Variants in PHACTR2 observed in about 807,000 individuals in gnomAD.
PHACTR2 encodes phosphatase and actin regulator 2.
Under a neutral mutation model 76.0 loss-of-function variants are expected in PHACTR2, and 30 were observed. That is an observed-to-expected ratio of 0.39 (90% CI 0.30 to 0.54). PHACTR2 has a LOEUF of 0.54. PHACTR2 is among the 20% of genes least tolerant of loss of function. PHACTR2 has a pLI of 0.61. For synonymous variants in PHACTR2, 292 were observed against 292.5 expected (o/e 1.00, Z 0.02); for missense variants, 696 against 781.1 (o/e 0.89, Z 1.30).
At position 143,688,078 on chromosome 6, in the gene PHACTR2, C is replaced by A. The variant is rs1777561564; in HGVS notation, c.46+9869C>A. On this transcript the variant is annotated intron_variant, in intron 1 of 12. Transcript: ENST00000440869. The surrounding 1 kb of genome is among the most constrained non-coding windows in gnomAD (Gnocchi z 5.2). Reference sequence around the variant, plus strand: ...TATGTAGAGAATTGTAGGACTAGATCAGGAGGCAAAACACATAATGGGGAC... The same window carrying A: ...TATGTAGAGAATTGTAGGACTAGATAAGGAGGCAAAACACATAATGGGGAC... 1.3e-5 allele frequency among the ~76,000 whole-genome samples: 2 copies of A among 151,770 alleles called. No homozygotes were observed. Among genetic ancestry groups the A allele is most frequent in the African/African-American group, 4.8e-5 (2 of 41,298 alleles).
rs1486616933 is a variant in PHACTR2 at position 143,623,432 on chromosome 6, G to A, written c.13+15110G>A. ...TCTACTAAATATACAAAAATTAGCC[G>A]GGCATGGTGGTGCATGCCTGTAGTC... On this transcript the variant is annotated intron_variant, in intron 1 of 11. Coordinates refer to the PHACTR2 transcript ENST00000305766. This position sits in a 1 kb window ranked among gnomAD's most constrained non-coding sequence, Gnocchi z 5.9. Among the ~76,000 whole-genome samples the A allele has an allele frequency of 2.0e-5, 3 of 152,142 alleles. No individual in the cohort carries two copies. The highest frequency in any genetic ancestry group is 6.5e-5 in the Admixed American group (1 of 15,286).
chr6:143,806,951 T>C lies in PHACTR2; in HGVS notation c.1846-106T>C. 1 of 595,648 alleles carries C rather than the reference T, an allele frequency of 1.7e-6. No homozygotes were observed. Among genetic ancestry groups the C allele is most frequent in the Non-Finnish European group, 3.0e-6 (1 of 337,506 alleles). The allele number at this position is 595,648 out of a possible 1,614,324, so 36.9% of individuals were successfully genotyped here. On this transcript the variant is annotated intron_variant, in intron 11 of 12. Transcript: ENST00000440869. The surrounding 1 kb of genome is among the most constrained non-coding windows in gnomAD (Gnocchi z 5.8). ...CAGCTTGGATGACAGAGCGAGACTC[T>C]ATCTCTTAAAAAAAAAAAAAAGGTC...
rs980335741 is a variant in PHACTR2 at position 143,793,737 on chromosome 6, A to G, written c.1845+4827A>G. ...TGAGACCAGCCTGAGCAATGTGGTG[A>G]AACTCTGCCTCTACTAAAAAATACA... On this transcript the variant is annotated intron_variant, in intron 11 of 12. Coordinates refer to ENST00000440869, the MANE Select transcript of PHACTR2 (RefSeq NM_001100164.2). This position sits in a 1 kb window ranked among gnomAD's most constrained non-coding sequence, Gnocchi z 4.4. Among the ~76,000 whole-genome samples the G allele has an allele frequency of 8.5e-5, 13 of 152,060 alleles. No homozygotes were observed. Among genetic ancestry groups the G allele is most frequent in the African/African-American group, 3.1e-4 (13 of 41,478 alleles).
rs1243365733 is a variant in PHACTR2 at position 143,658,629 on chromosome 6, A to G, written c.13+50307A>G. 1.3e-5 allele frequency among the ~76,000 whole-genome samples: 2 copies of G among 152,244 alleles called. No homozygotes were observed. Among genetic ancestry groups the G allele is most frequent in the African/African-American group, 2.4e-5 (1 of 41,464 alleles). ...GCAGCATGTTACTGCACTGAATACTACAGACAATTATAACACAATGGTAAG... is the reference window on the plus strand; with the variant it reads ...GCAGCATGTTACTGCACTGAATACTGCAGACAATTATAACACAATGGTAAG... On this transcript the variant is annotated intron_variant, in intron 1 of 11. Coordinates refer to the PHACTR2 transcript ENST00000305766. This position sits in a 1 kb window ranked among gnomAD's most constrained non-coding sequence, Gnocchi z 4.1.
rs545032043 is a variant in PHACTR2, at chr6:143,816,945, A to T, written c.1923-6729A>T. Among the ~76,000 whole-genome samples, 4 of 152,288 alleles carry T rather than the reference A, an allele frequency of 2.6e-5. No individual in the cohort carries two copies. In the East Asian group the frequency reaches 7.7e-4, roughly 29 times the overall value. On this transcript the variant is annotated intron_variant, in intron 12 of 12. Transcript: ENST00000440869. The surrounding 1 kb of genome is among the most constrained non-coding windows in gnomAD (Gnocchi z 4.5). ...GCCAAGTGTGGTGGCGAGTGCCTGT[A>T]TTCCCAGCTACTTGGGAGGCTGAGG...
In PHACTR2 at chr6:143,782,218, T is replaced by A. The variant is rs1395693933; in HGVS notation, c.1646-1001T>A. Among the ~76,000 whole-genome samples the A allele has an allele frequency of 6.6e-6, 1 of 152,082 alleles. No individual in the cohort carries two copies. Among genetic ancestry groups the A allele is most frequent in the Non-Finnish European group, 1.5e-5 (1 of 68,014 alleles). The stretch of plus-strand genomic sequence containing the variant: ...TCTAGCCTGGGTGACAGAGCGAGAA[T>A]CCGTTTCAAAAAATAAAATAAAAAT... On this transcript the variant is annotated intron_variant, in intron 9 of 12. Transcript: ENST00000440869. This position sits in a 1 kb window ranked among gnomAD's most constrained non-coding sequence, Gnocchi z 4.6.
rs770803711 is a variant in PHACTR2, at chr6:143,618,901, C to T, written c.13+10579C>T. Among the ~76,000 whole-genome samples the T allele has an allele frequency of 3.3e-5, 5 of 152,054 alleles. No homozygotes were observed. The highest frequency in any genetic ancestry group is 4.8e-5 in the African/African-American group (2 of 41,392). ...CACGTGCTCCTCAAGAACAGGGCCA[C>T]GTCTCCTTCTTGAGCCTTATACTAA... On this transcript the variant is annotated intron_variant, in intron 1 of 11. Coordinates refer to the PHACTR2 transcript ENST00000305766. The surrounding 1 kb of genome is among the most constrained non-coding windows in gnomAD (Gnocchi z 5.2).
At chr6:143,644,198 T>G (rs1776614826) in intron 1 of PHACTR2, among the ~76,000 whole-genome samples, 1 of 152,138 alleles carries the variant, frequency 6.6e-6, no homozygotes. Context: ...AAAGAATGCT[T>G]CAAATACACT....
At position 143,592,941 on chromosome 6, in the gene PHACTR2, T is replaced by C. The variant is rs1775708803; in HGVS notation, c.217+55734T>C. On this transcript the variant is annotated intron_variant, in intron 1 of 11. Transcript: ENST00000367584. The surrounding 1 kb of genome is among the most constrained non-coding windows in gnomAD (Gnocchi z 4.0). ...CACACATCCCAGCTACTTGTGAGGG[T>C]GAGGTGGGAGGATCGCTTGAGCCTG... Among the ~76,000 whole-genome samples the C allele has an allele frequency of 6.9e-6, 1 of 145,480 alleles. No homozygotes were observed. The highest frequency in any genetic ancestry group is 7.1e-5 in the Admixed American group (1 of 14,166).
At chr6:143,628,939 A>C (rs1435098787) in intron 1 of PHACTR2, among the ~76,000 whole-genome samples, 1 of 28,130 alleles carries the variant, frequency 3.6e-5, no homozygotes, top group Non-Finnish European at 9.3e-5. Context: ...ATATATATAT[A>C]TATATATATA....
chr6:143,762,724 A>G (rs755860712), intron 5 of PHACTR2, among the ~76,000 whole-genome samples: 4 of 152,210 alleles, frequency 2.6e-5, no homozygotes, highest in Admixed American at 6.5e-5. Flanking sequence ...TTCTTTCTCT[A>G]TTACTAAGTT....
At chr6:143,673,133 C>T (rs1051698825), upstream of PHACTR2, among the ~76,000 whole-genome samples, 1 of 152,136 alleles carries the variant, frequency 6.6e-6, no homozygotes. Context: ...AGAGTCCATA[C>T]CTCACTTATC....
chr6:143,756,829 G>C (rs1779311504), intron 4 of PHACTR2, among the ~76,000 whole-genome samples: 1 of 152,088 alleles, frequency 6.6e-6, no homozygotes, highest in African/African-American at 2.4e-5. Flanking sequence ...GGGCAGATCA[G>C]CTGAGGTCAG....
rs1471577027 is a variant in PHACTR2, at chr6:143,623,484, A to G, written c.13+15162A>G. Among the ~76,000 whole-genome samples, 1 of 152,142 alleles carries G rather than the reference A, an allele frequency of 6.6e-6. No homozygotes were observed. Among genetic ancestry groups the G allele is most frequent in the African/African-American group, 2.4e-5 (1 of 41,428 alleles). On this transcript the variant is annotated intron_variant, in intron 1 of 11. Coordinates refer to the PHACTR2 transcript ENST00000305766. This position sits in a 1 kb window ranked among gnomAD's most constrained non-coding sequence, Gnocchi z 5.9. ...CAGCTACGTGGGAGGCTGAGGCAGG[A>G]GAATCACTTGAGCTCGGAAGGAGAA...
At chr6:143,568,044 C>T (rs1257434140) in intron 1 of PHACTR2, among the ~76,000 whole-genome samples, 2 of 152,172 alleles carry the variant, frequency 1.3e-5, no homozygotes, top group African/African-American at 4.8e-5. Flanking sequence ...TCTAAATTCA[C>T]CATGATATTA....
chr6:143,599,068 C>A lies in PHACTR2; in HGVS notation c.217+61861C>A, dbSNP rs1775785617. On this transcript the variant is annotated intron_variant, in intron 1 of 11. Coordinates refer to the PHACTR2 transcript ENST00000367584. The surrounding 1 kb of genome is among the most constrained non-coding windows in gnomAD (Gnocchi z 4.6). ...AATCAGTCAGGCATTTATTGATGACCCTCTGGGTACTCAGCGCTTTGCTCT... is the reference window on the plus strand; with the variant it reads ...AATCAGTCAGGCATTTATTGATGACACTCTGGGTACTCAGCGCTTTGCTCT... Among the ~76,000 whole-genome samples the A allele has an allele frequency of 6.6e-6, 1 of 152,176 alleles. No homozygotes were observed. The highest frequency in any genetic ancestry group is 2.4e-5 in the African/African-American group (1 of 41,496).
Position 143,777,791 on chromosome 6 carries a change from T to C in PHACTR2, c.1645+408T>C, listed in dbSNP as rs987895735. Among the ~76,000 whole-genome samples, 11 of 152,228 alleles carry C rather than the reference T, an allele frequency of 7.2e-5. No individual in the cohort carries two copies. Among genetic ancestry groups the C allele is most frequent in the African/African-American group, 2.7e-4 (11 of 41,462 alleles). On this transcript the variant is annotated intron_variant, in intron 9 of 12. Transcript: ENST00000440869. The surrounding 1 kb of genome is among the most constrained non-coding windows in gnomAD (Gnocchi z 4.6). ...CTATATTATTATTAACAATACAGTTTGTTGCTAGTTTAACAAATGGCTCAA... is the reference window on the plus strand; with the variant it reads ...CTATATTATTATTAACAATACAGTTCGTTGCTAGTTTAACAAATGGCTCAA...
rs574518340 is a variant in PHACTR2, at chr6:143,602,080, G to A, written c.217+64873G>A. Reference sequence around the variant, plus strand: ...TTAGTTATTTTGAAATATAAAATACGATTGTTAACTATAGTCACCTCATTG... The same window carrying A: ...TTAGTTATTTTGAAATATAAAATACAATTGTTAACTATAGTCACCTCATTG... On this transcript the variant is annotated intron_variant, in intron 1 of 11. Transcript: ENST00000367584. This position sits in a 1 kb window ranked among gnomAD's most constrained non-coding sequence, Gnocchi z 6.1. Among the ~76,000 whole-genome samples the A allele has an allele frequency of 4.6e-5, 7 of 152,120 alleles. No homozygotes were observed. The highest frequency in any genetic ancestry group is 2.1e-4 in the South Asian group (1 of 4,816).
At position 143,760,753 on chromosome 6, in the gene PHACTR2, C is replaced by A; in HGVS notation, c.694+113C>A. 1 of 1,202,988 alleles carries A rather than the reference C, an allele frequency of 8.3e-7. No individual in the cohort carries two copies. The highest frequency in any genetic ancestry group is 2.7e-5 in the Admixed American group (1 of 36,704). The allele number at this position is 1,202,988 out of a possible 1,614,324, so 74.5% of individuals were successfully genotyped here. ...CTTTTGGTGTCTTAGGACATTACAC[C>A]AGCAGGTTCAGCTTTGACACAAAGA... On this transcript the variant is annotated intron_variant, in intron 5 of 12. Coordinates refer to ENST00000440869, the MANE Select transcript of PHACTR2 (RefSeq NM_001100164.2). This position sits in a 1 kb window ranked among gnomAD's most constrained non-coding sequence, Gnocchi z 6.4.
Sources: allele counts gnomAD v4.1 joint callset (sites outside exome capture counted in the v4.1 genomes callset), GRCh38; gene constraint gnomAD v4.1.1; non-coding constraint Gnocchi (gnomAD v3.1); transcripts MANE v1.5; gene names NCBI Gene and HGNC (gene_info 2026-07-23, HGNC 2026-07-21).